Variants in PTPRD observed in about 807,000 individuals in gnomAD.
PTPRD encodes the protein receptor-type tyrosine-protein phosphatase delta.
In PTPRD, 34 loss-of-function variants were observed where a neutral mutation model predicts 214.5. The ratio of observed to expected loss-of-function variants is 0.16; its 90% CI spans 0.12 to 0.21. The LOEUF (loss-of-function observed/expected upper bound fraction) is 0.21, where lower values mean the gene tolerates loss of function less well. Ranked by LOEUF, PTPRD falls within the 10% of genes least tolerant of loss-of-function variation. The probability of loss-of-function intolerance (pLI) is 1.00; values close to 1 mark genes in which losing one functional copy is unlikely to be tolerated. For synonymous variants in PTPRD, 1,128 were observed against 845.7 expected (o/e 1.33, Z -5.79); for missense variants, 2,545 against 2,398.7 (o/e 1.06, Z -1.27).
intron 11 of PTPRD, among the ~76,000 whole-genome samples, chr9:8,985,786 C>G (rs1173066903): frequency 1.3e-5 from 2 of 151,932 alleles, no homozygotes; most frequent in Non-Finnish European, 2.9e-5. Flanking sequence ...GCACCTATAG[C>G]CTGAGGTTAA....
intron 5 of PTPRD, among the ~76,000 whole-genome samples, chr9:9,827,839 T>C (rs1170235878): frequency 6.6e-6 from 1 of 151,718 alleles, no homozygotes; most frequent in Non-Finnish European, 1.5e-5. Flanking sequence ...AACAAGTGGG[T>C]GAAGGATATG....
chr9:9,860,994 G>GA (rs2062626884), intron 5 of PTPRD, among the ~76,000 whole-genome samples: 1 of 152,148 alleles, frequency 6.6e-6, no homozygotes, highest in Admixed American at 6.5e-5. Flanking sequence ...AGAACTGTTG[G>GA]AAAAATAGAC....
chr9:8,610,720 C>T (rs2095417526), intron 14 of PTPRD, among the ~76,000 whole-genome samples: 1 of 152,184 alleles, frequency 6.6e-6, no homozygotes, highest in Admixed American at 6.5e-5. Flanking sequence ...TTTGAAGTTA[C>T]AGGGACATTA....
intron 9 of PTPRD, among the ~76,000 whole-genome samples, chr9:9,192,356 A>G (rs1416265084): frequency 1.3e-5 from 2 of 152,104 alleles, no homozygotes; most frequent in Non-Finnish European, 2.9e-5. Context: ...GTGAAGCATG[A>G]GCCCCAAGCG....
chr9:9,412,453 CAGAT>C (rs1446517137), intron 8 of PTPRD, among the ~76,000 whole-genome samples: 5 of 150,704 alleles, frequency 3.3e-5, no homozygotes, highest in Admixed American at 1.3e-4. Flanking sequence ...GGTCTGGGCA[CAGAT>C]AGAGACTCTC....
chr9:8,942,070 T>C (rs1005535969), intron 11 of PTPRD, among the ~76,000 whole-genome samples: 1 of 152,188 alleles, frequency 6.6e-6, no homozygotes, highest in African/African-American at 2.4e-5. Flanking sequence ...CCTTCCAAAG[T>C]GCTGGAATTA....
chr9:9,405,740 G>A (rs190990956), intron 8 of PTPRD, among the ~76,000 whole-genome samples: 32 of 152,022 alleles, frequency 2.1e-4, no homozygotes, highest in African/African-American at 5.8e-4. Flanking sequence ...TGTACCTTGG[G>A]GGAGACAGTT....
chr9:9,553,334 T>C (rs544804194), intron 8 of PTPRD, among the ~76,000 whole-genome samples: 2 of 152,236 alleles, frequency 1.3e-5, no homozygotes, highest in Non-Finnish European at 2.9e-5. Context: ...TTAATAATAT[T>C]CATTGCCAAC....
chr9:10,506,067 T>C (rs932261337), intron 2 of PTPRD, among the ~76,000 whole-genome samples: 7 of 152,116 alleles, frequency 4.6e-5, no homozygotes, highest in African/African-American at 1.7e-4. Flanking sequence ...GACAAATAGA[T>C]GGTATGAAGG....
chr9:10,365,070 A>G (rs2097489307), intron 2 of PTPRD, among the ~76,000 whole-genome samples: 1 of 152,108 alleles, frequency 6.6e-6, no homozygotes, highest in African/African-American at 2.4e-5. Context: ...GTACCAACCA[A>G]TATTAATTTT....
chr9:9,308,608 A>G (rs186695335), intron 9 of PTPRD, among the ~76,000 whole-genome samples: 2 of 152,234 alleles, frequency 1.3e-5, no homozygotes, highest in Admixed American at 6.5e-5. Flanking sequence ...TAGGGTTGCT[A>G]TTTACTATCT....
chr9:8,316,330 C>T lies in PTPRD; in HGVS notation c.*1544G>A. On this transcript the variant is annotated 3_prime_UTR_variant, in exon 46 of 46. Coordinates refer to ENST00000381196, the MANE Select transcript of PTPRD (RefSeq NM_002839.4). ...TAAAAAGAAATGCTATTAAAATAGG[C>T]ATCAATTATAAGGCACTCTAAATGC... 1 of 231,422 alleles carries T rather than the reference C, an allele frequency of 4.3e-6. No individual in the cohort carries two copies. The highest frequency in any genetic ancestry group is 5.6e-5 in the Admixed American group (1 of 17,702). The allele number at this position is 231,422 out of a possible 1,614,324, so 14.3% of individuals were successfully genotyped here.
At chr9:9,544,545 T>C (rs1278644846) in intron 8 of PTPRD, among the ~76,000 whole-genome samples, 2 of 151,688 alleles carry the variant, frequency 1.3e-5, no homozygotes, top group South Asian at 2.1e-4. Flanking sequence ...AGAACATCTC[T>C]CGACTGTGTC....
intron 7 of PTPRD, among the ~76,000 whole-genome samples, chr9:9,577,077 T>A (rs1013520612): frequency 6.6e-6 from 1 of 152,194 alleles, no homozygotes; most frequent in East Asian, 1.9e-4. Flanking sequence ...AAGTCATGGC[T>A]CATACTTAAG....
At chr9:9,452,182 C>T (rs1263918394) in intron 8 of PTPRD, among the ~76,000 whole-genome samples, 1 of 151,380 alleles carries the variant, frequency 6.6e-6, no homozygotes, top group Non-Finnish European at 1.5e-5. Flanking sequence ...GATAAATCAA[C>T]TTAAGATGTG....
chr9:10,595,446 C>T (rs988021263), intron 2 of PTPRD, among the ~76,000 whole-genome samples: 1 of 151,522 alleles, frequency 6.6e-6, no homozygotes, highest in Non-Finnish European at 1.5e-5. Context: ...TAAATTTCTG[C>T]AAAGGGAAGC....
chr9:9,461,291 T>A (rs2093633816), intron 8 of PTPRD, among the ~76,000 whole-genome samples: 2 of 152,062 alleles, frequency 1.3e-5, no homozygotes, highest in African/African-American at 4.8e-5. Context: ...TATACCCATG[T>A]AACATACCTG....
intron 5 of PTPRD, among the ~76,000 whole-genome samples, chr9:9,824,971 C>A (rs1426706946): frequency 6.6e-6 from 1 of 152,020 alleles, no homozygotes; most frequent in Non-Finnish European, 1.5e-5. Context: ...CTGGTACTTA[C>A]TAGCTGTGAA....
chr9:10,207,494 G>A (rs961161496), intron 3 of PTPRD, among the ~76,000 whole-genome samples: 2 of 151,888 alleles, frequency 1.3e-5, no homozygotes, highest in South Asian at 2.1e-4. Context: ...AAAATATTTT[G>A]TGTAGAACTG....
Sources: allele counts gnomAD v4.1 joint callset (sites outside exome capture counted in the v4.1 genomes callset), GRCh38; gene constraint gnomAD v4.1.1; transcripts MANE v1.5; gene names NCBI Gene and HGNC (gene_info 2026-07-23, HGNC 2026-07-21).